The following SLC9B1 variants were observed in gnomAD, a reference collection of about 807,000 sequenced individuals.
SLC9B1 encodes solute carrier family 9 member B1.
Under a neutral mutation model 51.7 loss-of-function variants are expected in SLC9B1, and 32 were observed. The ratio of observed to expected loss-of-function variants is 0.62; its 90% CI spans 0.47 to 0.83. The LOEUF (loss-of-function observed/expected upper bound fraction) is 0.83. SLC9B1 is among the 40% of genes least tolerant of loss of function. The pLI is 0.00. For missense variants in SLC9B1, 406 were observed against 613.2 expected, an observed-to-expected ratio of 0.66 and a Z score of 3.57; for synonymous variants, 145 against 212.7, an observed-to-expected ratio of 0.68 and a Z score of 2.77.
chr4:102,886,759 C>T (rs760491219), intron 11 of SLC9B1, among the ~76,000 whole-genome samples: 5 of 68 alleles, frequency 0.074, no homozygotes, highest in African/African-American at 0.11. Context: ...GAGACACAGG[C>T]GTATGCACCA....
Position 102,891,243 on chromosome 4 carries a change from TCTTA to T in SLC9B1, c.1333-5919_1333-5916del, listed in dbSNP as rs548688719. On this transcript the variant is annotated intron_variant, in intron 11 of 11. Transcript: ENST00000394789. ...CAGCAGCTACCCAGAGTCTACTTAT[TCTTA>T]CTTCACATTGAATTCTAACAAGTTT... The T allele has an allele frequency of 4.2e-3, 636 of 152,282 alleles. 4 individuals are homozygous for T. Among genetic ancestry groups the T allele is most frequent in the African/African-American group, 0.014 (601 of 41,528 alleles). 9.4% of individuals were successfully genotyped at this position (152,282 alleles called of 1,614,324 possible).
At chr4:102,986,039 G>T (rs1286474137) in intron 3 of SLC9B1, among the ~76,000 whole-genome samples, 2 of 152,014 alleles carry the variant, frequency 1.3e-5, no homozygotes, top group African/African-American at 4.8e-5. Flanking sequence ...TTATCTTTGT[G>T]TATTTCCTTT....
intron 7 of SLC9B1, among the ~76,000 whole-genome samples, chr4:102,922,733 G>A (rs1352782841): frequency 1.3e-5 from 2 of 152,120 alleles, no homozygotes; most frequent in Non-Finnish European, 2.9e-5. Context: ...TATCACCACT[G>A]AGCCCATGGA....
At chr4:102,906,404 G>C (rs1379372184) in intron 10 of SLC9B1, 132 bp downstream of exon 10, 2 of 495,756 alleles carry the variant, frequency 4.0e-6, no homozygotes, top group Admixed American at 7.0e-5. Context: ...ATGAAAATAT[G>C]ACACTGTATC....
chr4:103,010,038 T>C (rs1485914010), intron 1 of SLC9B1, among the ~76,000 whole-genome samples: 1 of 152,216 alleles, frequency 6.6e-6, no homozygotes, highest in Non-Finnish European at 1.5e-5. Flanking sequence ...TAATAGTATT[T>C]AGGATTTGAT....
chr4:102,962,160 A>T (rs1270721878), intron 3 of SLC9B1: 2 of 480,228 alleles, frequency 4.2e-6, no homozygotes, highest in Non-Finnish European at 8.3e-6. Flanking sequence ...GGCAACACTG[A>T]GCCATAGTTT....
intron 6 of SLC9B1, among the ~76,000 whole-genome samples, chr4:102,934,232 A>T (rs1736604069): frequency 6.6e-6 from 1 of 152,246 alleles, no homozygotes. Flanking sequence ...TAAACTTAAG[A>T]AAACAAGATA....
intron 6 of SLC9B1, among the ~76,000 whole-genome samples, chr4:102,944,673 T>C (rs1737180145): frequency 6.6e-6 from 1 of 152,236 alleles, no homozygotes; most frequent in Non-Finnish European, 1.5e-5. Context: ...AGACAGTAGT[T>C]ACAGACTTAT....
intron 11 of SLC9B1, among the ~76,000 whole-genome samples, chr4:102,895,202 G>A (rs926294446): frequency 2.0e-5 from 3 of 151,980 alleles, no homozygotes; most frequent in African/African-American, 7.2e-5. Context: ...AAAAAATTGA[G>A]AATCTACATG....
At chr4:102,978,189 T>C (rs1221291351) in intron 3 of SLC9B1, among the ~76,000 whole-genome samples, 1 of 152,248 alleles carries the variant, frequency 6.6e-6, no homozygotes, top group African/African-American at 2.4e-5. Flanking sequence ...GTGCCACATT[T>C]TCTTAATCCA....
chr4:102,976,280 T>G (rs1739067233), intron 3 of SLC9B1, among the ~76,000 whole-genome samples: 1 of 152,202 alleles, frequency 6.6e-6, no homozygotes, highest in African/African-American at 2.4e-5. Context: ...CTAGCCTACG[T>G]AATATTCTAG....
At chr4:102,962,185 C>A in intron 3 of SLC9B1, 2 of 510,342 alleles carry the variant, frequency 3.9e-6, no homozygotes, top group Non-Finnish European at 7.8e-6. Context: ...TTCTTTCTTG[C>A]ATTTCTATCA....
At chr4:102,996,775 C>T (rs963848178) in intron 1 of SLC9B1, among the ~76,000 whole-genome samples, 1 of 151,946 alleles carries the variant, frequency 6.6e-6, no homozygotes, top group Non-Finnish European at 1.5e-5. Flanking sequence ...CTTAGGCTAA[C>T]ATTATGCTAG....
intron 3 of SLC9B1, among the ~76,000 whole-genome samples, chr4:102,961,803 T>C (rs1738147401): frequency 6.6e-6 from 1 of 152,196 alleles, no homozygotes; most frequent in Non-Finnish European, 1.5e-5. Context: ...ACATGTGCCA[T>C]GTGGTTTGCT....
chr4:102,912,396 A>G (rs1170549101), intron 7 of SLC9B1, among the ~76,000 whole-genome samples: 1 of 152,138 alleles, frequency 6.6e-6, no homozygotes, highest in Non-Finnish European at 1.5e-5. Flanking sequence ...TGAAGAAAAA[A>G]GGAAAAAAAA....
chr4:102,963,998 C>G (rs1344263602), intron 3 of SLC9B1, among the ~76,000 whole-genome samples: 5 of 151,842 alleles, frequency 3.3e-5, no homozygotes, highest in Non-Finnish European at 5.9e-5. Flanking sequence ...ACATTAAAAA[C>G]AACCAAAGAA....
intron 3 of SLC9B1, among the ~76,000 whole-genome samples, chr4:102,951,618 C>CTGAAGAGAGACTAGCAA (rs1737561035): frequency 6.6e-6 from 1 of 150,620 alleles, no homozygotes. Context: ...ACCCAAACAG[C>CTGAAGAGAGACTAGCAA]AGTCTAGACA....
intron 7 of SLC9B1, among the ~76,000 whole-genome samples, chr4:102,919,492 C>G (rs867750597): frequency 6.6e-6 from 1 of 152,128 alleles, no homozygotes; most frequent in African/African-American, 2.4e-5. Context: ...GCATGATCGA[C>G]GCAGAAGACA....
At chr4:102,962,764 G>A (rs935944306) in intron 3 of SLC9B1, 5 of 474,640 alleles carry the variant, frequency 1.1e-5, no homozygotes, top group African/African-American at 4.0e-5. Context: ...AAGCCATTAA[G>A]GAGAAATACT....
Sources: gnomAD v4.1 joint callset for allele counts (sites outside exome capture counted in the v4.1 genomes callset) on GRCh38, gnomAD v4.1.1 for gene constraint, MANE v1.5 for transcripts, NCBI Gene and HGNC (gene_info 2026-07-23, HGNC 2026-07-21) for gene names.